TRMT11: variants seen among roughly 807,000 people sequenced by gnomAD.
The protein encoded by TRMT11 is tRNA methyltransferase 11.
TRMT11 carries 53 observed loss-of-function variants against 62.8 expected under a neutral mutation model. That is an observed-to-expected ratio of 0.84 (90% CI 0.68 to 1.06). The LOEUF (loss-of-function observed/expected upper bound fraction) is 1.06. Ranked by LOEUF, TRMT11 falls within the 50% of genes least tolerant of loss-of-function variation. The pLI is 0.00. For missense variants in TRMT11, 556 were observed against 553.4 expected, an observed-to-expected ratio of 1.00 and a Z score of -0.05; for synonymous variants, 188 against 190.3, an observed-to-expected ratio of 0.99 and a Z score of 0.10.
At chr6:126,071,873 T>G (rs1318823575) in intron 17 of TRMT11, among the ~76,000 whole-genome samples, 1 of 152,140 alleles carries the variant, frequency 6.6e-6, no homozygotes, top group Admixed American at 6.6e-5. Context: ...CGAGAGTTCT[T>G]TACAACACAG....
At chr6:126,163,403 C>A (rs992482661) in intron 21 of TRMT11, among the ~76,000 whole-genome samples, 1 of 152,060 alleles carries the variant, frequency 6.6e-6, no homozygotes, top group South Asian at 2.1e-4. Flanking sequence ...GGGATGAAGC[C>A]GACTTGATCA....
At chr6:125,988,078 G>A (rs1467840327) in intron 1 of TRMT11, among the ~76,000 whole-genome samples, 1 of 152,206 alleles carries the variant, frequency 6.6e-6, no homozygotes, top group African/African-American at 2.4e-5. Flanking sequence ...AAGAAGATGG[G>A]CAAGTGCCAG....
chr6:126,007,722 T>A (rs1793571153), intron 7 of TRMT11, among the ~76,000 whole-genome samples: 1 of 152,008 alleles, frequency 6.6e-6, no homozygotes, highest in South Asian at 2.1e-4. Flanking sequence ...CAGATTGTAT[T>A]GGGACAGTTG....
At chr6:126,054,451 CCTGA>C (rs1776311413) in intron 17 of TRMT11, among the ~76,000 whole-genome samples, 2 of 152,268 alleles carry the variant, frequency 1.3e-5, no homozygotes, top group Non-Finnish European at 2.9e-5. Flanking sequence ...CCTTCCTGAC[CCTGA>C]CTGACAGATA....
chr6:126,157,858 A>C lies in TRMT11; in HGVS notation c.*1824-16967A>C, dbSNP rs116646544. 9.9e-3 allele frequency among the ~76,000 whole-genome samples: 1,501 copies of C among 152,232 alleles called. 24 individuals carry two copies. The highest frequency in any genetic ancestry group is 0.033 in the African/African-American group (1,357 of 41,530). ...TTATAATTTAGTCTTTACATTTTTA[A>C]ATTGTAAAATAAAATGCAGATACAG... On this transcript the variant is annotated intron_variant and NMD_transcript_variant, in intron 21 of 22. Transcript: ENST00000648977.
At chr6:126,258,020 C>T in the TRMT11 span, 13 of 1,493,330 alleles carry the variant, frequency 8.7e-6, no homozygotes, top group Middle Eastern at 1.7e-4. Flanking sequence ...CAACCAGCAG[C>T]TCCTCGACCC....
chr6:126,232,275 G>A, the TRMT11 span, among the ~76,000 whole-genome samples: 1 of 152,058 alleles, frequency 6.6e-6, no homozygotes, highest in African/African-American at 2.4e-5. Flanking sequence ...ACAAAAGTAA[G>A]AGATTCCCAG....
rs1390539915 is a variant in TRMT11 at position 126,193,488 on chromosome 6, GTATTTT to G, written n.144-5309_144-5304del. Among the ~76,000 whole-genome samples the G allele has an allele frequency of 1.1e-4, 13 of 118,138 alleles. 1 individual carries two copies. The highest frequency in any genetic ancestry group is 4.8e-4 in the African/African-American group (13 of 26,866). 77.5% of individuals were successfully genotyped at this position (118,138 alleles called of 152,430 possible). ...TAGGTTATTTAAGAGGAGCGTTTCT[GTATTTT>G]TTTTTTTTTTTTTTTTTTTTGAGAC... On this transcript the variant is annotated intron_variant and non_coding_transcript_variant, in intron 1 of 3. Coordinates refer to the TRMT11 transcript ENST00000444229.
the TRMT11 span, among the ~76,000 whole-genome samples, chr6:126,264,908 A>G: frequency 0.2 from 30,299 of 152,008 alleles, 3,582 homozygotes; most frequent in East Asian, 0.53. Flanking sequence ...TTCTATATAT[A>G]TGTGCATGTA....
At chr6:126,053,619 A>G (rs1045618152) in intron 17 of TRMT11, among the ~76,000 whole-genome samples, 5 of 152,156 alleles carry the variant, frequency 3.3e-5, no homozygotes, top group Non-Finnish European at 5.9e-5. Flanking sequence ...GGAAACCACA[A>G]TAAAGGCTCT....
chr6:126,145,903 T>A (rs1338661690), intron 21 of TRMT11, among the ~76,000 whole-genome samples: 1 of 152,206 alleles, frequency 6.6e-6, no homozygotes, highest in Non-Finnish European at 1.5e-5. Context: ...TCTGATATTT[T>A]AAAAATAAAT....
At chr6:126,035,373 G>A (rs1057247509) in intron 12 of TRMT11, among the ~76,000 whole-genome samples, 2 of 152,122 alleles carry the variant, frequency 1.3e-5, no homozygotes, top group Non-Finnish European at 2.9e-5. Context: ...CTGTGTAAGG[G>A]ATTTGGAGCT....
intron 12 of TRMT11, among the ~76,000 whole-genome samples, chr6:126,031,172 A>G (rs910412489): frequency 3.9e-5 from 6 of 152,210 alleles, no homozygotes; most frequent in African/African-American, 1.4e-4. Flanking sequence ...AGCAGATACT[A>G]AATGTAAGAA....
chr6:126,136,995 T>G (rs1407253783), intron 21 of TRMT11, among the ~76,000 whole-genome samples: 4 of 151,326 alleles, frequency 2.6e-5, no homozygotes, highest in African/African-American at 9.7e-5. Flanking sequence ...TAACTCAAAT[T>G]GGATTAAAGA....
chr6:126,030,430 A>G (rs1562288902), intron 12 of TRMT11, among the ~76,000 whole-genome samples: 2 of 152,160 alleles, frequency 1.3e-5, no homozygotes, highest in African/African-American at 2.4e-5. Flanking sequence ...TTTCTCTTCC[A>G]TCTCTTTGCC....
the TRMT11 span, among the ~76,000 whole-genome samples, chr6:126,264,040 A>C: frequency 6.6e-6 from 1 of 152,208 alleles, no homozygotes; most frequent in South Asian, 2.1e-4. Flanking sequence ...ATTTGACAGC[A>C]GATAATTGCT....
intron 17 of TRMT11, among the ~76,000 whole-genome samples, chr6:126,065,932 G>C (rs1776676868): frequency 6.6e-6 from 1 of 152,216 alleles, no homozygotes; most frequent in African/African-American, 2.4e-5. Flanking sequence ...TGCTGAGACA[G>C]ATGCTCAGAC....
At chr6:126,054,569 T>A (rs11154342) in intron 17 of TRMT11, among the ~76,000 whole-genome samples, 88,178 of 152,078 alleles carry the variant, frequency 0.58, 27,263 homozygotes, top group East Asian at 0.95. Flanking sequence ...GTAGGCCTGC[T>A]GAAGAGCAAG....
At chr6:126,220,394 CCT>C in the TRMT11 span, among the ~76,000 whole-genome samples, 1 of 152,134 alleles carries the variant, frequency 6.6e-6, no homozygotes. Flanking sequence ...CCCACAAACC[CCT>C]GACTTCAGAT....
Sources: allele counts gnomAD v4.1 joint callset (sites outside exome capture counted in the v4.1 genomes callset), GRCh38; gene constraint gnomAD v4.1.1; transcripts MANE v1.5; gene names NCBI Gene and HGNC (gene_info 2026-07-23, HGNC 2026-07-21).